NUP205: variants seen among roughly 807,000 people sequenced by gnomAD.
The protein encoded by NUP205 is nucleoporin 205.
In NUP205, 76 loss-of-function variants were observed where a neutral mutation model predicts 253.8. The ratio of observed to expected loss-of-function variants is 0.30; its 90% confidence interval spans 0.25 to 0.36. NUP205 has a LOEUF of 0.36. Ranked by LOEUF, NUP205 falls within the 10% of genes least tolerant of loss-of-function variation. NUP205 has a pLI of 1.00. For synonymous variants in NUP205, 832 were observed against 850.1 expected (o/e 0.98, Z 0.37); for missense variants, 2,162 against 2,425.5 (o/e 0.89, Z 2.28).
chr7:135,561,078 C>T (rs1368939471), intron 1 of NUP205, among the ~76,000 whole-genome samples: 2 of 152,126 alleles, frequency 1.3e-5, no homozygotes, highest in African/African-American at 2.4e-5. Context: ...GGTGTGGTGG[C>T]TTATGCCTGT....
chr7:135,625,213 A>G lies in NUP205; in HGVS notation c.4529A>G (p.Gln1510Arg). The G allele has an allele frequency of 1.9e-6, 3 of 1,613,956 alleles. No individual in the cohort carries two copies. The East Asian group carries it at 6.7e-5, about 36-fold the overall frequency. The change falls in exon 32 of 43, where the codon CAG becomes CGG. Residue 1510 changes from glutamine (Q) to arginine (R), a missense_variant. By Grantham distance (43) the Gln-to-Arg change is conservative. Coordinates refer to ENST00000285968, the MANE Select transcript of NUP205 (RefSeq NM_015135.3). ...AGAATTGTCTCCGTGGATAAACAGC[A>G]GCAGTGGCTTTTGTATCTTTCTAAC... ...LDRIVSVDKQ[Q>R]QWLLYLSNSG...
At chr7:135,634,516 A>G (rs1794773397) in intron 35 of NUP205, among the ~76,000 whole-genome samples, 1 of 152,232 alleles carries the variant, frequency 6.6e-6, no homozygotes, top group Non-Finnish European at 1.5e-5. Context: ...CATAAGAATT[A>G]TGAATACAAG....
At chr7:135,613,280 T>TA (rs1794282315) in intron 22 of NUP205, among the ~76,000 whole-genome samples, 1 of 151,970 alleles carries the variant, frequency 6.6e-6, no homozygotes, top group African/African-American at 2.4e-5. Flanking sequence ...TTCATATCTG[T>TA]AATGGAGATC....
chr7:135,638,139 G>A (rs1794850304), intron 37 of NUP205, 80 bp downstream of exon 37: 1 of 1,467,388 alleles, frequency 6.8e-7, no homozygotes, highest in African/African-American at 1.4e-5. Flanking sequence ...ACCTGGTGCG[G>A]TGGCTCACGC....
At chr7:135,621,094 T>C (rs971703667) in intron 30 of NUP205, among the ~76,000 whole-genome samples, 7 of 152,244 alleles carry the variant, frequency 4.6e-5, no homozygotes, top group Non-Finnish European at 8.8e-5. Flanking sequence ...TTGTGAGTGT[T>C]ATTTTGTATA....
At chr7:135,618,021 T>C (rs1794395981) in intron 27 of NUP205, among the ~76,000 whole-genome samples, 1 of 151,554 alleles carries the variant, frequency 6.6e-6, no homozygotes, top group African/African-American at 2.4e-5. Context: ...AAGAACCACA[T>C]GAATGGAGAT....
At position 135,642,191 on chromosome 7, in the gene NUP205, G is replaced by T. The variant is rs539290782; in HGVS notation, c.5393-1001G>T. On this transcript the variant is annotated intron_variant, in intron 38 of 42. Transcript: ENST00000285968. Reference sequence around the variant, plus strand: ...AATCGCTTGAAACCAGGAGGTGGCGGTTGCAGTGAGCCGAGATCGAACCAC... The same window carrying T: ...AATCGCTTGAAACCAGGAGGTGGCGTTTGCAGTGAGCCGAGATCGAACCAC... Among the ~76,000 whole-genome samples the T allele has an allele frequency of 3.0e-4, 46 of 151,478 alleles. 1 individual carries two copies. Among genetic ancestry groups the T allele is most frequent in the Non-Finnish European group, 5.3e-4 (36 of 67,954 alleles).
intron 1 of NUP205, among the ~76,000 whole-genome samples, chr7:135,565,659 C>T (rs1226808751): frequency 2.0e-5 from 3 of 151,634 alleles, no homozygotes; most frequent in East Asian, 3.9e-4. Context: ...CTCGAACTCC[C>T]GACCTAAGGT....
chr7:135,570,713 TA>T lies in NUP205; in HGVS notation c.29-390del, dbSNP rs1181845314. On this transcript the variant is annotated intron_variant, in intron 1 of 42. Coordinates refer to ENST00000285968, the MANE Select transcript of NUP205 (RefSeq NM_015135.3). ...ATTAATATAATTAATTATATTAATA[TA>T]ATTAATTATATTTATATATTATATT... Among the ~76,000 whole-genome samples, 415 of 59,796 alleles carry T rather than the reference TA, an allele frequency of 6.9e-3. 1 individual carries two copies. Among genetic ancestry groups the T allele is most frequent in the Non-Finnish European group, 9.7e-3 (304 of 31,318 alleles). The allele number at this position is 59,796 out of a possible 152,430, so 39.2% of individuals were successfully genotyped here.
rs112865275 is a variant in NUP205 at position 135,622,803 on chromosome 7, A to G, written c.4357A>G (p.Thr1453Ala). 1 of 1,613,994 alleles carries G rather than the reference A, an allele frequency of 6.2e-7. No individual in the cohort carries two copies. Among genetic ancestry groups the G allele is most frequent in the Admixed American group, 1.7e-5 (1 of 59,986 alleles). ...CAAGAAAACCATGTGGGAAAGGCTG[A>G]CAGCCCCTGAAGATGTATTTAGCAA... is the stretch of plus-strand genomic sequence containing the variant. ...AAKKTMWERL[T>A]APEDVFSKLQ... Residue 1453 changes from threonine (T) to alanine (A), a missense_variant, in exon 31 of 43, where the codon ACA (threonine) becomes GCA (alanine). Around this residue, in one of 5 missense-constraint regions of NUP205, gnomAD observed 1,144 missense variants for 1,280.9 expected, o/e 0.89. Coordinates refer to ENST00000285968, the MANE Select transcript of NUP205 (RefSeq NM_015135.3).
intron 21 of NUP205, 139 bp from the exon 22 acceptor site, chr7:135,607,108 C>T: frequency 8.1e-7 from 1 of 1,235,434 alleles, no homozygotes; most frequent in South Asian, 1.5e-5. Flanking sequence ...CAGCCTTTAT[C>T]AATTTTCTGT....
chr7:135,574,732 T>C (rs987950095), intron 3 of NUP205, among the ~76,000 whole-genome samples: 1 of 152,212 alleles, frequency 6.6e-6, no homozygotes, highest in Non-Finnish European at 1.5e-5. Flanking sequence ...GCAGAGACAT[T>C]ACATAATTCA....
intron 31 of NUP205, 51 bp from the exon 32 acceptor site, chr7:135,625,113 T>C: frequency 7.2e-7 from 1 of 1,392,446 alleles, no homozygotes; most frequent in Middle Eastern, 1.8e-4. Flanking sequence ...TTACTGTTGT[T>C]GATTTTGGTA....
chr7:135,619,684 A>G lies in NUP205; in HGVS notation c.4225A>G (p.Lys1409Glu). The change falls in exon 29 of 43, where the codon AAG (lysine) becomes GAG (glutamate). Residue 1409 changes from lysine (K) to glutamate (E), a missense_variant. Physicochemically the swap from Lys to Glu is moderately conservative, Grantham distance 56. Around this residue, in one of 5 missense-constraint regions of NUP205, gnomAD observed 1,144 missense variants for 1,280.9 expected, o/e 0.89. Transcript: ENST00000285968. ...ILKKLLDFIL[K>E]TGGGFQRVRT... The stretch of plus-strand genomic sequence containing the variant: ...GAAGAAACTGTTAGACTTCATTTTG[A>G]AGACAGGTTTTTTTCATTTAAATTG... 1.2e-6 allele frequency: 2 copies of G among 1,610,812 alleles called. No individual in the cohort carries two copies. The highest frequency in any genetic ancestry group is 1.7e-6 in the Non-Finnish European group (2 of 1,178,742).
intron 38 of NUP205, among the ~76,000 whole-genome samples, chr7:135,640,725 C>A (rs193222457): frequency 6.6e-6 from 1 of 152,220 alleles, no homozygotes; most frequent in Non-Finnish European, 1.5e-5. Context: ...TTAAAGGTAT[C>A]TTTCAGTGAT....
chr7:135,561,029 A>C (rs1313160002), intron 1 of NUP205, among the ~76,000 whole-genome samples: 2 of 152,192 alleles, frequency 1.3e-5, no homozygotes, highest in Non-Finnish European at 2.9e-5. Flanking sequence ...TAAGGAAAAA[A>C]TACAGAGATT....
Position 135,593,025 on chromosome 7 carries a change from T to C in NUP205, c.1663T>C (p.Trp555Arg). Residue 555 changes from tryptophan (W) to arginine (R), a missense_variant, in exon 12 of 43, where the codon TGG becomes CGG. Transcript: ENST00000285968. Reference sequence around the variant, plus strand: ...GGGAGCAGGTGGCAGTCCTGTTTCCTGGGAACATTTCTTTCACTCCTTGAT... The same window carrying C: ...GGGAGCAGGTGGCAGTCCTGTTTCCCGGGAACATTTCTTTCACTCCTTGAT... Reference protein sequence around the residue: ...IQGAGGSPVSWEHFFHSLMLY... With the variant: ...IQGAGGSPVSREHFFHSLMLY... 1 of 1,614,142 alleles carries C rather than the reference T, an allele frequency of 6.2e-7. No individual in the cohort carries two copies. Among genetic ancestry groups the C allele is most frequent in the Non-Finnish European group, 8.5e-7 (1 of 1,179,964 alleles).
rs1183553823 is a variant in NUP205 at position 135,630,395 on chromosome 7, T to C, written c.4984T>C (p.Cys1662Arg). 3 of 1,610,196 alleles carry C rather than the reference T, an allele frequency of 1.9e-6. No homozygotes were observed. The highest frequency in any genetic ancestry group is 2.5e-6 in the Non-Finnish European group (3 of 1,177,738). ...HSDTIQAILR[C>R]QDVSAGSLQE... Reference sequence around the variant, plus strand: ...TGATACCATACAAGCAATTCTGCGCTGTCAGGATGTTAGTGCTGGGTCTTT... The same window carrying C: ...TGATACCATACAAGCAATTCTGCGCCGTCAGGATGTTAGTGCTGGGTCTTT... The change falls in exon 35 of 43, where the codon TGT becomes CGT. Residue 1662 changes from cysteine to arginine, a missense_variant. Physicochemically the swap from Cys to Arg is radical, Grantham distance 180 (BLOSUM62 -3). Around this residue, in one of 5 missense-constraint regions of NUP205, gnomAD observed 1,144 missense variants for 1,280.9 expected, o/e 0.89. Coordinates refer to ENST00000285968, the MANE Select transcript of NUP205 (RefSeq NM_015135.3).
intron 1 of NUP205, among the ~76,000 whole-genome samples, chr7:135,564,554 T>A (rs1362629326): frequency 6.6e-6 from 1 of 151,636 alleles, no homozygotes; most frequent in Non-Finnish European, 1.5e-5. Flanking sequence ...GGCCTGTTTT[T>A]TTTTTAAATA....
Sources: allele counts gnomAD v4.1 joint callset (sites outside exome capture counted in the v4.1 genomes callset), GRCh38; gene constraint gnomAD v4.1.1; regional missense constraint gnomAD v4.1.1; transcripts MANE v1.5; gene names NCBI Gene and HGNC (gene_info 2026-07-23, HGNC 2026-07-21).